The following TRPS1 variants were observed in gnomAD, a reference collection of about 807,000 sequenced individuals.
TRPS1 encodes zinc finger transcription factor Trps1.
TRPS1 carries 6 observed loss-of-function variants against 101.2 expected under a neutral mutation model. That is an observed-to-expected ratio of 0.06 (90% CI 0.03 to 0.12). TRPS1 has a LOEUF of 0.12. Ranked by LOEUF, TRPS1 falls within the 10% of genes least tolerant of loss-of-function variation. The pLI, the probability that TRPS1 is intolerant of heterozygous loss-of-function variation, is 1.00. For synonymous variants in TRPS1, 578 were observed against 589.8 expected, an observed-to-expected ratio of 0.98 and a Z score of 0.29; for missense variants, 1,363 against 1,567.0, an observed-to-expected ratio of 0.87 and a Z score of 2.20.
At chr8:115,665,783 G>A (rs1317769209) in intron 1 of TRPS1, among the ~76,000 whole-genome samples, 1 of 152,120 alleles carries the variant, frequency 6.6e-6, no homozygotes, top group Admixed American at 6.5e-5. Flanking sequence ...AACCTAAATA[G>A]TAGCACAGAC....
At chr8:115,523,322 C>T (rs80077904) in intron 5 of TRPS1, among the ~76,000 whole-genome samples, 40 of 152,158 alleles carry the variant, frequency 2.6e-4, no homozygotes, top group Non-Finnish European at 4.7e-4. Context: ...AGTGTTTGAT[C>T]TCCCTTCCGT....
At chr8:115,430,171 C>A (rs1474407579) in intron 5 of TRPS1, among the ~76,000 whole-genome samples, 1 of 152,114 alleles carries the variant, frequency 6.6e-6, no homozygotes, top group Non-Finnish European at 1.5e-5. Context: ...ACTGTTGGAG[C>A]ATTCGAATGT....
At chr8:115,466,955 T>C (rs1814337488) in intron 5 of TRPS1, among the ~76,000 whole-genome samples, 1 of 152,134 alleles carries the variant, frequency 6.6e-6, no homozygotes, top group African/African-American at 2.4e-5. Context: ...AATTATGCGC[T>C]ACTTTAATAG....
chr8:115,645,630 G>A (rs1197495070), intron 1 of TRPS1, among the ~76,000 whole-genome samples: 1 of 151,970 alleles, frequency 6.6e-6, no homozygotes, highest in Admixed American at 6.6e-5. Flanking sequence ...ATGCAAAAAA[G>A]TTACTACAAG....
At chr8:115,662,240 G>A (rs1357125697) in intron 1 of TRPS1, among the ~76,000 whole-genome samples, 1 of 151,886 alleles carries the variant, frequency 6.6e-6, no homozygotes, top group Non-Finnish European at 1.5e-5. Context: ...TTTGCGGAAT[G>A]CTTTTTATAG....
intron 5 of TRPS1, among the ~76,000 whole-genome samples, chr8:115,481,193 C>T (rs1390551613): frequency 2.0e-5 from 3 of 152,000 alleles, no homozygotes; most frequent in Non-Finnish European, 4.4e-5. Context: ...GTTTACAGAT[C>T]AGATATTTCA....
chr8:115,663,299 A>G (rs1811848982), intron 1 of TRPS1, among the ~76,000 whole-genome samples: 6 of 151,618 alleles, frequency 4.0e-5, no homozygotes, highest in Admixed American at 3.3e-4. Flanking sequence ...AATCCAGAAC[A>G]TTATTAAAAG....
At chr8:115,539,037 A>T (rs528531880) in intron 5 of TRPS1, among the ~76,000 whole-genome samples, 1 of 152,362 alleles carries the variant, frequency 6.6e-6, no homozygotes, top group South Asian at 2.1e-4. Flanking sequence ...AAAATGTCAC[A>T]TCATGTTAAA....
At chr8:115,469,880 A>G (rs954249157) in intron 5 of TRPS1, among the ~76,000 whole-genome samples, 1 of 152,134 alleles carries the variant, frequency 6.6e-6, no homozygotes, top group Non-Finnish European at 1.5e-5. Context: ...CTACCCATTG[A>G]CTACAGTCCA....
chr8:115,612,573 A>C (rs1272989177), intron 3 of TRPS1, among the ~76,000 whole-genome samples: 1 of 152,222 alleles, frequency 6.6e-6, no homozygotes, highest in Non-Finnish European at 1.5e-5. Context: ...TTGAAGTGCC[A>C]ATGAATTCCA....
chr8:115,515,103 AG>A, intron 5 of TRPS1: 1 of 600,730 alleles, frequency 1.7e-6, no homozygotes, highest in Non-Finnish European at 3.0e-6. Context: ...TAACTTTCTC[AG>A]GGTCACAGAT....
Position 115,668,928 on chromosome 8 carries a change from T to G in TRPS1, c.-505A>C, listed in dbSNP as rs1391061539. 1 of 151,644 alleles carries G rather than the reference T, an allele frequency of 6.6e-6. No individual in the cohort carries two copies. Among genetic ancestry groups the G allele is most frequent in the East Asian group, 1.9e-4 (1 of 5,164 alleles). 9.4% of individuals were successfully genotyped at this position (151,644 alleles called of 1,614,324 possible). Reference sequence around the variant, plus strand: ...TAGAGATTGCAGTAAGATCGGGTCTTTATCAGAAATGTTATCGCTTGTCAG... The same window carrying G: ...TAGAGATTGCAGTAAGATCGGGTCTGTATCAGAAATGTTATCGCTTGTCAG... On this transcript the variant is annotated 5_prime_UTR_variant, in exon 1 of 7. Transcript: ENST00000395715.
chr8:115,443,631 G>C (rs1159722498), intron 5 of TRPS1, among the ~76,000 whole-genome samples: 1 of 152,190 alleles, frequency 6.6e-6, no homozygotes, highest in African/African-American at 2.4e-5. Context: ...ACCTTGGGCA[G>C]GTTGATTAGA....
chr8:115,500,562 C>T (rs1243351661), intron 5 of TRPS1, among the ~76,000 whole-genome samples: 1 of 152,138 alleles, frequency 6.6e-6, no homozygotes, highest in Non-Finnish European at 1.5e-5. Context: ...AACATTGTTG[C>T]CAGTTTATCA....
intron 5 of TRPS1, among the ~76,000 whole-genome samples, chr8:115,458,083 T>A (rs1814074114): frequency 6.6e-6 from 1 of 152,150 alleles, no homozygotes; most frequent in Admixed American, 6.5e-5. Flanking sequence ...CACTTGCATA[T>A]GACTTTTAAG....
chr8:115,453,354 G>C (rs1813929991), intron 5 of TRPS1, among the ~76,000 whole-genome samples: 1 of 152,168 alleles, frequency 6.6e-6, no homozygotes, highest in African/African-American at 2.4e-5. Flanking sequence ...GTTGGATAGA[G>C]TCAGCTGAGC....
intron 1 of TRPS1, among the ~76,000 whole-genome samples, chr8:115,661,168 T>C (rs984889834): frequency 6.6e-6 from 1 of 151,996 alleles, no homozygotes; most frequent in Non-Finnish European, 1.5e-5. Context: ...GATTTATAAT[T>C]TTTTTCATTT....
intron 4 of TRPS1, among the ~76,000 whole-genome samples, chr8:115,590,103 C>T (rs1205706023): frequency 7.2e-5 from 11 of 151,952 alleles, no homozygotes; most frequent in Non-Finnish European, 1.3e-4. Context: ...GGCGACAGAG[C>T]GAGACGCCAT....
In TRPS1 at chr8:115,558,200, A is replaced by G. The variant is rs560765025; in HGVS notation, c.2700+28801T>C. ...AACTCTAGTCTAAGACCAGGGATAA[A>G]GGACACATGATGATAAACCATCTTA... On this transcript the variant is annotated intron_variant, in intron 5 of 6. Coordinates refer to ENST00000395715, the MANE Select transcript of TRPS1 (RefSeq NM_014112.5). Among the ~76,000 whole-genome samples, 144 of 152,304 alleles carry G rather than the reference A, an allele frequency of 9.5e-4. 1 individual carries two copies. Among genetic ancestry groups the G allele is most frequent in the African/African-American group, 3.4e-3 (142 of 41,574 alleles).
Sources: allele counts gnomAD v4.1 joint callset (sites outside exome capture counted in the v4.1 genomes callset), GRCh38; gene constraint gnomAD v4.1.1; transcripts MANE v1.5; gene names NCBI Gene and HGNC (gene_info 2026-07-23, HGNC 2026-07-21).